The following SFMBT1 variants were observed in gnomAD, a reference collection of about 807,000 sequenced individuals.
SFMBT1 encodes Scm like with four mbt domains 1, also known as scm-like with four MBT domains protein 1.
A neutral mutation model predicts 108.7 loss-of-function variants in SFMBT1; 32 were observed. That is an observed-to-expected ratio of 0.29 (90% CI 0.22 to 0.40). The LOEUF (loss-of-function observed/expected upper bound fraction) is 0.40, where lower values mean the gene tolerates loss of function less well. Ranked by LOEUF, SFMBT1 falls within the 10% of genes least tolerant of loss-of-function variation. The pLI, the probability that SFMBT1 is intolerant of heterozygous loss-of-function variation, is 1.00. For missense variants in SFMBT1, 816 were observed against 1,059.6 expected (o/e 0.77, Z 3.19); for synonymous variants, 348 against 369.5 (o/e 0.94, Z 0.67).
intron 6 of SFMBT1, 57 bp downstream of exon 6, chr3:52,932,005 A>G: frequency 1.3e-6 from 2 of 1,560,774 alleles, no homozygotes; most frequent in East Asian, 2.3e-5. Flanking sequence ...AGCCTCATAG[A>G]TATTAATAAC....
chr3:52,986,675 T>C (rs963835219), intron 1 of SFMBT1, among the ~76,000 whole-genome samples: 1 of 147,368 alleles, frequency 6.8e-6, no homozygotes, highest in Admixed American at 6.9e-5. Context: ...ACTCGGGAGG[T>C]TGAGGCAGGG....
intron 14 of SFMBT1, among the ~76,000 whole-genome samples, chr3:52,914,608 G>A (rs1378205673): frequency 6.6e-6 from 1 of 152,080 alleles, no homozygotes; most frequent in Non-Finnish European, 1.5e-5. Flanking sequence ...GCCACATGTG[G>A]TGGCATATGC....
intron 2 of SFMBT1, among the ~76,000 whole-genome samples, chr3:52,966,278 C>T (rs1189847871): frequency 1.4e-5 from 2 of 144,794 alleles, no homozygotes; most frequent in Non-Finnish European, 3.0e-5. Flanking sequence ...GCCGAGATGG[C>T]GCCACTGCAC....
At chr3:52,926,518 A>G (rs1301998168) in intron 9 of SFMBT1, among the ~76,000 whole-genome samples, 1 of 152,230 alleles carries the variant, frequency 6.6e-6, no homozygotes, top group African/African-American at 2.4e-5. Flanking sequence ...GAGACAGCAA[A>G]TAGTATTAGT....
chr3:52,971,486 T>C (rs1215929045), intron 1 of SFMBT1, among the ~76,000 whole-genome samples: 1 of 152,132 alleles, frequency 6.6e-6, no homozygotes, highest in African/African-American at 2.4e-5. Context: ...TCAGTTTACT[T>C]TTCTACCCCA....
rs550768914 is a variant in SFMBT1 at position 53,005,100 on chromosome 3, T to C, written c.-130-35842A>G. Among the ~76,000 whole-genome samples, 3 of 152,348 alleles carry C rather than the reference T, an allele frequency of 2.0e-5. No individual in the cohort carries two copies. The East Asian group carries it at 5.8e-4, about 29-fold the overall frequency. On this transcript the variant is annotated intron_variant, in intron 1 of 20. Coordinates refer to ENST00000394752, the MANE Select transcript of SFMBT1 (RefSeq NM_016329.4). ...TGGTCTGAATGTAGTCAGGTCACTT[T>C]TCTTATCAAACAGCAAAAACTTATT... is the stretch of plus-strand genomic sequence containing the variant.
chr3:52,910,000 TC>T (rs914150289), intron 17 of SFMBT1, among the ~76,000 whole-genome samples: 5 of 151,938 alleles, frequency 3.3e-5, no homozygotes, highest in African/African-American at 1.2e-4. Flanking sequence ...TGATGCCCCC[TC>T]CCCAGAACAC....
intron 1 of SFMBT1, among the ~76,000 whole-genome samples, chr3:53,001,350 G>A (rs1263368661): frequency 1.3e-5 from 2 of 150,252 alleles, no homozygotes; most frequent in Non-Finnish European, 1.5e-5. Flanking sequence ...AGGACTGCTT[G>A]AGCTCAGGAG....
chr3:53,006,725 T>C (rs1408418879), intron 1 of SFMBT1, among the ~76,000 whole-genome samples: 1 of 152,158 alleles, frequency 6.6e-6, no homozygotes, highest in Non-Finnish European at 1.5e-5. Flanking sequence ...ATTTTGGATA[T>C]GGAGGGGTCC....
intron 1 of SFMBT1, among the ~76,000 whole-genome samples, chr3:52,982,693 C>G (rs1704754175): frequency 7.4e-6 from 1 of 135,624 alleles, no homozygotes; most frequent in Admixed American, 8.2e-5. Context: ...CGCGGCACTG[C>G]ACTCCAGCCT....
intron 3 of SFMBT1, among the ~76,000 whole-genome samples, chr3:52,947,798 G>T (rs752468643): frequency 6.6e-6 from 1 of 150,888 alleles, no homozygotes; most frequent in Admixed American, 6.6e-5. Flanking sequence ...GCAGTGGCGC[G>T]ATCTCAGCTC....
intron 1 of SFMBT1, among the ~76,000 whole-genome samples, chr3:53,028,531 G>A (rs534127849): frequency 6.6e-6 from 1 of 152,260 alleles, no homozygotes; most frequent in South Asian, 2.1e-4. Flanking sequence ...GCTGGGCATG[G>A]TGGCACATGC....
intron 17 of SFMBT1, among the ~76,000 whole-genome samples, chr3:52,909,419 T>C (rs1309522783): frequency 6.6e-6 from 1 of 152,170 alleles, no homozygotes; most frequent in Non-Finnish European, 1.5e-5. Flanking sequence ...CCAATAAATA[T>C]AAATAGAAAC....
chr3:52,935,571 T>C (rs1702981362), intron 4 of SFMBT1, among the ~76,000 whole-genome samples: 1 of 152,196 alleles, frequency 6.6e-6, no homozygotes, highest in Non-Finnish European at 1.5e-5. Context: ...CAATTCCAGA[T>C]AGCATATAAT....
Position 52,981,052 on chromosome 3 carries a change from C to T in SFMBT1, c.-130-11794G>A, listed in dbSNP as rs190041924. Among the ~76,000 whole-genome samples, 235 of 151,912 alleles carry T rather than the reference C, an allele frequency of 1.5e-3. 1 individual carries two copies. Among genetic ancestry groups the T allele is most frequent in the African/African-American group, 5.3e-3 (219 of 41,412 alleles). ...TGGCACATGCCTGTAATCCCAGCTA[C>T]TCGTGAGGCTGAGGCAAGAGAATCA... On this transcript the variant is annotated intron_variant, in intron 1 of 20. Transcript: ENST00000394752.
intron 10 of SFMBT1, among the ~76,000 whole-genome samples, chr3:52,922,817 C>A (rs146676398): frequency 1.3e-3 from 201 of 152,324 alleles, no homozygotes; most frequent in African/African-American, 4.5e-3. Flanking sequence ...ACACAAGGAA[C>A]TGCTGAGGGC....
chr3:52,940,363 T>A (rs1275233819), intron 4 of SFMBT1, among the ~76,000 whole-genome samples: 1 of 152,124 alleles, frequency 6.6e-6, no homozygotes, highest in Non-Finnish European at 1.5e-5. Flanking sequence ...AGCCAAAAAA[T>A]AAGAAACTGC....
At chr3:52,969,853 A>G (rs982010962) in intron 1 of SFMBT1, among the ~76,000 whole-genome samples, 1 of 152,160 alleles carries the variant, frequency 6.6e-6, no homozygotes, top group African/African-American at 2.4e-5. Context: ...TGTAATCCCA[A>G]CACTCTGGGA....
intron 1 of SFMBT1, among the ~76,000 whole-genome samples, chr3:53,002,498 A>G (rs1698595596): frequency 2.0e-5 from 3 of 150,264 alleles, no homozygotes; most frequent in Admixed American, 6.7e-5. Flanking sequence ...TCAAATTATA[A>G]TAACTTCAGT....
Sources: allele counts gnomAD v4.1 joint callset (sites outside exome capture counted in the v4.1 genomes callset), GRCh38; gene constraint gnomAD v4.1.1; transcripts MANE v1.5; gene names NCBI Gene and HGNC (gene_info 2026-07-23, HGNC 2026-07-21).